The following MAGEC3 variants were observed in gnomAD, a reference collection of about 807,000 sequenced individuals.
The protein encoded by MAGEC3 is melanoma-associated antigen C3.
Under a neutral mutation model 35.3 loss-of-function variants are expected in MAGEC3, and 34 were observed. The ratio of observed to expected loss-of-function variants is 0.96; its 90% CI spans 0.73 to 1.28. MAGEC3 has a LOEUF of 1.28. MAGEC3 is among the 50% of genes most tolerant of loss of function. The pLI is 0.00. For missense variants in MAGEC3, 561 were observed against 483.6 expected, an observed-to-expected ratio of 1.16 and a Z score of -1.50; for synonymous variants, 202 against 185.6, an observed-to-expected ratio of 1.09 and a Z score of -0.72.
In MAGEC3 at chrX:141,846,250, T is replaced by C. The variant is rs747645860; in HGVS notation, c.123+7812T>C. ...TAAATGTGTTCCAGTTACTTTCCAC[T>C]CCTTTTCCAACTGATAGGATAATGT... On this transcript the variant is annotated intron_variant, in intron 1 of 7. Coordinates refer to ENST00000298296, the MANE Select transcript of MAGEC3 (RefSeq NM_138702.1). Among the ~76,000 whole-genome samples the C allele has an allele frequency of 3.7e-5, 4 of 107,746 alleles. No homozygotes were observed. In the East Asian group the frequency reaches 1.2e-3, roughly 32 times the overall value. 93.6% of individuals were successfully genotyped at this position (107,746 alleles called of 115,157 possible).
At chrX:141,838,474 A>T (rs199501258) in intron 1 of MAGEC3, 36 bp downstream of exon 1, 1 of 1,186,971 alleles carries the variant, frequency 8.4e-7, no homozygotes, top group Non-Finnish European at 1.1e-6. Flanking sequence ...TCTAAGCCCC[A>T]GGTTAACAGC....
At chrX:141,885,862 A>G (rs749415369) in intron 4 of MAGEC3, among the ~76,000 whole-genome samples, 21 of 110,118 alleles carry the variant, frequency 1.9e-4, no homozygotes, top group Non-Finnish European at 3.6e-4. Context: ...TACTCATCCC[A>G]GCTGAGAGGG....
At chrX:141,880,887 C>T in intron 3 of MAGEC3, 1 of 975,294 alleles carries the variant, frequency 1.0e-6, no homozygotes, top group Non-Finnish European at 1.4e-6. Context: ...GCTGAGGCCA[C>T]TTGCAGTGTC....
chrX:141,845,663 TTATGTTG>T (rs2017711896), intron 1 of MAGEC3, among the ~76,000 whole-genome samples: 1 of 111,225 alleles, frequency 9.0e-6, no homozygotes, highest in Non-Finnish European at 1.9e-5. Context: ...ATTATAGTTG[TTATGTTG>T]TATGTTGTAT....
Position 141,842,316 on chromosome X carries a change from A to G in MAGEC3, c.123+3878A>G, listed in dbSNP as rs959390825. ...TCAATGATTTTGTTGCATTGTTTCA[A>G]TGAAACAATGAAAATTATAACAGAC... On this transcript the variant is annotated intron_variant, in intron 1 of 7. Transcript: ENST00000298296. Among the ~76,000 whole-genome samples, 16 of 111,957 alleles carry G rather than the reference A, an allele frequency of 1.4e-4. No individual in the cohort carries two copies. The East Asian group carries it at 4.5e-3, about 32-fold the overall frequency.
chrX:141,854,609 C>T (rs2017769763), intron 1 of MAGEC3, among the ~76,000 whole-genome samples: 1 of 111,264 alleles, frequency 9.0e-6, no homozygotes, highest in African/African-American at 3.3e-5. Flanking sequence ...TGCTGCCATC[C>T]ATGTAGGATG....
In MAGEC3 at chrX:141,881,576, G is replaced by A. The variant is rs780534002; in HGVS notation, c.689G>A (p.Arg230His). 6.6e-6 allele frequency: 8 copies of A among 1,209,204 alleles called. No individual in the cohort carries two copies. The highest frequency in any genetic ancestry group is 3.5e-5 in the African/African-American group (2 of 57,052). Residue 230 changes from arginine to histidine, a missense_variant, in exon 4 of 8, where the codon CGT becomes CAT. By Grantham distance (29) the Arg-to-His change is conservative. Transcript: ENST00000298296. The stretch of plus-strand genomic sequence containing the variant: ...TTTCCTATGATCTTCAGGAAAGCCC[G>A]TGAGTTCATAGAGATTCTTTTTGGC... ...GYFPMIFRKA[R>H]EFIEILFGIS... is the part of the protein sequence containing the mutation.
At chrX:141,895,049 T>G (rs1602633259) in intron 4 of MAGEC3, among the ~76,000 whole-genome samples, 4 of 37,588 alleles carry the variant, frequency 1.1e-4, no homozygotes, top group East Asian at 1.2e-3. Context: ...CAGGAAAGGG[T>G]GGGAAGGGGC....
In MAGEC3 at chrX:141,869,666, T is replaced by C. The variant is rs970083987; in HGVS notation, c.258+4061T>C. On this transcript the variant is annotated intron_variant, in intron 2 of 7. Coordinates refer to ENST00000298296, the MANE Select transcript of MAGEC3 (RefSeq NM_138702.1). Reference sequence around the variant, plus strand: ...GAGCACTTGCTAAGGCGACACAGCTTGATTATAAATCATGTTTTGAAGAGA... The same window carrying C: ...GAGCACTTGCTAAGGCGACACAGCTCGATTATAAATCATGTTTTGAAGAGA... Among the ~76,000 whole-genome samples the C allele has an allele frequency of 6.2e-5, 7 of 112,126 alleles. No individual in the cohort carries two copies. In the Admixed American group the frequency reaches 6.6e-4, roughly 11 times the overall value.
chrX:141,861,670 C>G (rs907564102), intron 1 of MAGEC3, among the ~76,000 whole-genome samples: 1 of 111,752 alleles, frequency 8.9e-6, no homozygotes, highest in Non-Finnish European at 1.9e-5. Context: ...AGAACATACA[C>G]TGGGGAAAGG....
chrX:141,889,425 G>A (rs1244487777), intron 4 of MAGEC3, among the ~76,000 whole-genome samples: 1 of 111,559 alleles, frequency 9.0e-6, no homozygotes, highest in Non-Finnish European at 1.9e-5. Flanking sequence ...TATTTCCAGA[G>A]GGAGAAACGC....
chrX:141,875,235 C>G (rs969813942), intron 2 of MAGEC3, among the ~76,000 whole-genome samples: 2 of 111,203 alleles, frequency 1.8e-5, no homozygotes, highest in East Asian at 5.7e-4. Flanking sequence ...ACAAATGCTG[C>G]TGTTGGATTT....
intron 2 of MAGEC3, among the ~76,000 whole-genome samples, chrX:141,872,199 G>T (rs908057855): frequency 1.8e-5 from 2 of 111,277 alleles, no homozygotes; most frequent in Non-Finnish European, 3.8e-5. Context: ...AACATTAAAG[G>T]TTTCATTTTT....
intron 1 of MAGEC3, among the ~76,000 whole-genome samples, chrX:141,848,120 C>T (rs1283110460): frequency 9.2e-6 from 1 of 109,114 alleles, no homozygotes; most frequent in African/African-American, 3.3e-5. Flanking sequence ...TATATGTATA[C>T]ATATGTATAC....
At chrX:141,873,086 G>A (rs1340888256) in intron 2 of MAGEC3, among the ~76,000 whole-genome samples, 9 of 111,814 alleles carry the variant, frequency 8.0e-5, no homozygotes, top group Non-Finnish European at 1.7e-4. Context: ...TTTATTTTAG[G>A]GAAAACAAAC....
At position 141,894,723 on chromosome X, in the gene MAGEC3, A is replaced by C. The variant is rs1388659216; in HGVS notation, c.910-546A>C. The C allele has an allele frequency of 5.2e-6, 5 of 967,604 alleles. No homozygotes were observed. The African/African-American group carries it at 1.0e-4, about 20-fold the overall frequency. 79.7% of individuals were successfully genotyped at this position (967,604 alleles called of 1,213,427 possible). ...AAGGGAACTCTGTGGAAGGATAGCT[A>C]TCTCCCAACACGGAGGGAAGGCCCA... is the stretch of plus-strand genomic sequence containing the variant. On this transcript the variant is annotated intron_variant, in intron 4 of 7. Transcript: ENST00000298296.
intron 1 of MAGEC3, among the ~76,000 whole-genome samples, chrX:141,841,616 C>T (rs2017686273): frequency 8.9e-6 from 1 of 111,744 alleles, no homozygotes; most frequent in African/African-American, 3.2e-5. Flanking sequence ...TCAGCCTTGT[C>T]CACCAGATCC....
chrX:141,886,320 T>G (rs2018002523), intron 4 of MAGEC3, among the ~76,000 whole-genome samples: 1 of 111,051 alleles, frequency 9.0e-6, no homozygotes, highest in Non-Finnish European at 1.9e-5. Flanking sequence ...TTTCCAGACT[T>G]GAGCCAGTTT....
At chrX:141,884,141 T>C (rs2017985708) in intron 4 of MAGEC3, among the ~76,000 whole-genome samples, 2 of 112,913 alleles carry the variant, frequency 1.8e-5, no homozygotes, top group Admixed American at 9.3e-5. Context: ...TGTTCCTGGG[T>C]TTGTCTGTGA....
Sources: allele counts gnomAD v4.1 joint callset (sites outside exome capture counted in the v4.1 genomes callset), GRCh38; gene constraint gnomAD v4.1.1; transcripts MANE v1.5; gene names NCBI Gene and HGNC (gene_info 2026-07-23, HGNC 2026-07-21).